Variants in SOX5 observed in about 807,000 individuals in gnomAD.
SOX5 encodes transcription factor SOX-5.
A neutral mutation model predicts 92.0 loss-of-function variants in SOX5; 9 were observed. The ratio of observed to expected loss-of-function variants is 0.10; its 90% CI spans 0.06 to 0.17. The LOEUF is 0.17. Among genes scored for constraint, SOX5 ranks in the 10% least tolerant of loss-of-function variants. SOX5 has a pLI of 1.00. For synonymous variants in SOX5, 344 were observed against 336.3 expected (o/e 1.02, Z -0.25); for missense variants, 642 against 944.5 (o/e 0.68, Z 4.20).
chr12:23,839,505 G>C (rs2096485130), intron 3 of SOX5, among the ~76,000 whole-genome samples: 1 of 152,038 alleles, frequency 6.6e-6, no homozygotes, highest in East Asian at 1.9e-4. Context: ...ATTCTATGAA[G>C]CTGGCAGTAG....
intron 8 of SOX5, among the ~76,000 whole-genome samples, chr12:23,614,163 T>C (rs2076283454): frequency 6.6e-6 from 1 of 152,184 alleles, no homozygotes. Flanking sequence ...CTGCTACATA[T>C]GTCCTCAAGG....
At chr12:23,555,200 A>G (rs1308438824) in intron 11 of SOX5, among the ~76,000 whole-genome samples, 1 of 152,176 alleles carries the variant, frequency 6.6e-6, no homozygotes, top group Non-Finnish European at 1.5e-5. Flanking sequence ...TATACTTAAA[A>G]AAATCAACAT....
At chr12:23,623,894 A>T (rs1221228560) in intron 8 of SOX5, among the ~76,000 whole-genome samples, 1 of 152,152 alleles carries the variant, frequency 6.6e-6, no homozygotes, top group Admixed American at 6.6e-5. Flanking sequence ...TCCAATATTC[A>T]TAACAGCATT....
chr12:23,536,578 A>T lies in SOX5; in HGVS notation c.1863T>A (p.Pro621=). 1 of 1,614,172 alleles carries T rather than the reference A, an allele frequency of 6.2e-7. No individual in the cohort carries two copies. The highest frequency in any genetic ancestry group is 8.5e-7 in the Non-Finnish European group (1 of 1,179,996). ...RLSKQHLEKY[P]DYKYKPRPKR... is the part of the protein sequence containing the mutation. ...TTGGCCTGGGCTTGTACTTATAGTC[A>T]GGGTACTTCTCCAGGTGCTGCTTGC... The change falls in exon 14 of 15, where the codon CCT becomes CCA. Residue 621 remains proline, a synonymous_variant. Coordinates refer to ENST00000451604, the MANE Select transcript of SOX5 (RefSeq NM_006940.6).
At chr12:24,462,284 C>T (rs1029287749) in intron 1 of SOX5, among the ~76,000 whole-genome samples, 3 of 152,230 alleles carry the variant, frequency 2.0e-5, no homozygotes, top group African/African-American at 7.2e-5. Flanking sequence ...CATAAATGAA[C>T]ATAGAAAAGG....
intron 1 of SOX5, among the ~76,000 whole-genome samples, chr12:24,479,246 C>A (rs913540257): frequency 4.6e-5 from 7 of 152,186 alleles, no homozygotes; most frequent in South Asian, 2.1e-4. Flanking sequence ...CTCTCCACAC[C>A]CCACTGCTGT....
intron 1 of SOX5, among the ~76,000 whole-genome samples, chr12:24,391,514 A>C (rs1958991250): frequency 6.6e-6 from 1 of 152,198 alleles, no homozygotes; most frequent in South Asian, 2.1e-4. Flanking sequence ...GCACCTAACT[A>C]CAGACGTCTC....
At chr12:23,789,892 C>T (rs2095440908) in intron 3 of SOX5, among the ~76,000 whole-genome samples, 1 of 152,052 alleles carries the variant, frequency 6.6e-6, no homozygotes, top group Non-Finnish European at 1.5e-5. Context: ...TGAAAAACAA[C>T]AAATCTGTGC....
chr12:24,198,029 T>C (rs1275645871), intron 4 of SOX5, among the ~76,000 whole-genome samples: 1 of 152,180 alleles, frequency 6.6e-6, no homozygotes, highest in Non-Finnish European at 1.5e-5. Flanking sequence ...ACTCTGATAA[T>C]TAACAAACTC....
intron 4 of SOX5, among the ~76,000 whole-genome samples, chr12:23,992,445 A>G (rs962052755): frequency 6.6e-6 from 1 of 152,172 alleles, no homozygotes; most frequent in Non-Finnish European, 1.5e-5. Context: ...GGTTTCATAC[A>G]TAATTTGCAA....
chr12:23,653,037 T>TGGATGGAC (rs1555230929), intron 7 of SOX5, among the ~76,000 whole-genome samples: 13 of 150,042 alleles, frequency 8.7e-5, no homozygotes, highest in South Asian at 2.1e-4. Context: ...GATAGATGGA[T>TGGATGGAC]GGATGGATGG....
intron 1 of SOX5, among the ~76,000 whole-genome samples, chr12:24,396,375 C>T (rs1212265392): frequency 6.6e-6 from 1 of 152,188 alleles, no homozygotes; most frequent in African/African-American, 2.4e-5. Flanking sequence ...GACTGGAGCA[C>T]ACAGAAACTG....
rs1941130934 is a variant in SOX5, at chr12:24,256,192, T to C, written c.-77+21024A>G. ...GATAAATGTAAGCAGACATTATATC[T>C]TTCATAATCAGTGCAGAAGGAAAAT... On this transcript the variant is annotated intron_variant, in intron 3 of 4. Transcript: ENST00000446891. Among the ~76,000 whole-genome samples, 3 of 152,334 alleles carry C rather than the reference T, an allele frequency of 2.0e-5. No individual in the cohort carries two copies. The East Asian group carries it at 5.8e-4, about 29-fold the overall frequency.
intron 2 of SOX5, among the ~76,000 whole-genome samples, chr12:24,284,217 C>T (rs980069504): frequency 2.6e-5 from 4 of 152,144 alleles, no homozygotes; most frequent in East Asian, 1.9e-4. Flanking sequence ...GGAGCCACTG[C>T]CTCATTTGCC....
chr12:23,829,389 TATTC>T (rs2096279969), intron 3 of SOX5, among the ~76,000 whole-genome samples: 1 of 152,134 alleles, frequency 6.6e-6, no homozygotes, highest in Admixed American at 6.6e-5. Flanking sequence ...AGAGTGTTAC[TATTC>T]AGCAAGGGCC....
chr12:23,801,242 T>G (rs889529481), intron 3 of SOX5, among the ~76,000 whole-genome samples: 2 of 152,094 alleles, frequency 1.3e-5, no homozygotes, highest in Non-Finnish European at 2.9e-5. Context: ...TATGAAACAT[T>G]GGTCTATAAG....
At chr12:24,488,242 C>T (rs1040702241) in intron 1 of SOX5, among the ~76,000 whole-genome samples, 1 of 152,018 alleles carries the variant, frequency 6.6e-6, no homozygotes, top group Non-Finnish European at 1.5e-5. Flanking sequence ...TTATTTGTTA[C>T]CATGAGTTGC....
chr12:24,308,990 T>C (rs1401459778), intron 2 of SOX5, among the ~76,000 whole-genome samples: 1 of 152,186 alleles, frequency 6.6e-6, no homozygotes, highest in Admixed American at 6.5e-5. Flanking sequence ...GTGAACTGAA[T>C]CAGCAATGAA....
chr12:23,696,641 T>C (rs1161245203), intron 6 of SOX5, among the ~76,000 whole-genome samples: 1 of 152,168 alleles, frequency 6.6e-6, no homozygotes, highest in Non-Finnish European at 1.5e-5. Context: ...TTTAACCTTC[T>C]ATGCTGCTCT....
Sources: gnomAD v4.1 joint callset for allele counts (sites outside exome capture counted in the v4.1 genomes callset) on GRCh38, gnomAD v4.1.1 for gene constraint, MANE v1.5 for transcripts, NCBI Gene and HGNC (gene_info 2026-07-23, HGNC 2026-07-21) for gene names.